PREX2: variants seen among roughly 807,000 people sequenced by gnomAD.
PREX2 encodes phosphatidylinositol-3,4,5-trisphosphate dependent Rac exchange factor 2.
PREX2 carries 107 observed loss-of-function variants against 203.2 expected under a neutral mutation model. That is an observed-to-expected ratio of 0.53 (90% CI 0.45 to 0.62). The LOEUF is 0.62. Among genes scored for constraint, PREX2 ranks in the 20% least tolerant of loss-of-function variants. The pLI, the probability that PREX2 is intolerant of heterozygous loss-of-function variation, is 0.00. For synonymous variants in PREX2, 672 were observed against 663.6 expected (o/e 1.01, Z -0.19); for missense variants, 1,777 against 1,955.9 (o/e 0.91, Z 1.72).
chr8:68,098,400 T>G (rs1489733692), intron 22 of PREX2, among the ~76,000 whole-genome samples: 1 of 152,162 alleles, frequency 6.6e-6, no homozygotes, highest in Non-Finnish European at 1.5e-5. Context: ...ATTTTATCTT[T>G]TGGTTTTATA....
intron 18 of PREX2, among the ~76,000 whole-genome samples, chr8:68,083,755 G>T (rs1196239261): frequency 6.6e-6 from 1 of 152,130 alleles, no homozygotes; most frequent in Non-Finnish European, 1.5e-5. Flanking sequence ...CAGATGATTA[G>T]ATACCAGATA....
intron 30 of PREX2, among the ~76,000 whole-genome samples, chr8:68,122,685 A>G (rs1428888066): frequency 1.3e-5 from 2 of 152,034 alleles, no homozygotes; most frequent in African/African-American, 4.8e-5. Context: ...GAACAATTTT[A>G]TCTTTCAGAT....
chr8:68,162,346 G>T (rs1435585836), intron 35 of PREX2, among the ~76,000 whole-genome samples: 1 of 151,938 alleles, frequency 6.6e-6, no homozygotes, highest in East Asian at 1.9e-4. Context: ...GTTTTACTAT[G>T]CCATATAGAA....
Position 68,081,861 on chromosome 8 carries a change from A to AT in PREX2, c.1878+1039dup, listed in dbSNP as rs546660073. 7.5e-3 allele frequency among the ~76,000 whole-genome samples: 1,041 copies of AT among 139,570 alleles called. 8 individuals carry two copies. Among genetic ancestry groups the AT allele is most frequent in the Middle Eastern group, 0.019 (5 of 260 alleles). 91.6% of individuals were successfully genotyped at this position (139,570 alleles called of 152,430 possible). A position where few individuals can be genotyped will look rare whatever the true frequency, so the allele number is the denominator to read the frequency against. On this transcript the variant is annotated intron_variant, in intron 17 of 39. Transcript: ENST00000288368. The stretch of plus-strand genomic sequence containing the variant: ...AGGCCCATGCCACCAGGCCCAGCTG[A>AT]TTTTTTTTTTTTTTTTAATAGAGAC...
At chr8:68,071,824 T>G (rs149027304) in intron 13 of PREX2, among the ~76,000 whole-genome samples, 1 of 152,238 alleles carries the variant, frequency 6.6e-6, no homozygotes, top group African/African-American at 2.4e-5. Context: ...TGTTTTCCAC[T>G]AGGGCAGAGC....
rs573525316 is a variant in PREX2, at chr8:68,152,289, GAAAAA to G, written c.4232-5016_4232-5012del. Among the ~76,000 whole-genome samples, 113 of 72,922 alleles carry G rather than the reference GAAAAA, an allele frequency of 1.5e-3. 1 individual carries two copies. Among genetic ancestry groups the G allele is most frequent in the African/African-American group, 6.0e-3 (107 of 17,862 alleles). The allele number at this position is 72,922 out of a possible 152,430, so 47.8% of individuals were successfully genotyped here. On this transcript the variant is annotated intron_variant, in intron 34 of 39. Transcript: ENST00000288368. ...CGACAGAGCGAGACTCCCTCTCAGA[GAAAAA>G]AAAAAAAAAAAAAAAAGATAAATCT...
intron 21 of PREX2, 32 bp from the exon 22 acceptor site, chr8:68,096,985 A>G: frequency 6.4e-7 from 1 of 1,567,962 alleles, no homozygotes. Context: ...ATCCTTCATG[A>G]ATTTACTGAG....
chr8:68,226,459 T>A (rs1236012969), intron 39 of PREX2, among the ~76,000 whole-genome samples: 2 of 152,136 alleles, frequency 1.3e-5, no homozygotes, highest in African/African-American at 4.8e-5. Context: ...AAGAACACAT[T>A]TGGCAGTCAA....
At chr8:68,138,867 G>A (rs1005124422) in intron 33 of PREX2, among the ~76,000 whole-genome samples, 2 of 152,016 alleles carry the variant, frequency 1.3e-5, no homozygotes, top group Non-Finnish European at 2.9e-5. Context: ...TCAAAAGTAT[G>A]AGTATCGTGT....
chr8:68,122,262 T>C (rs906589518), intron 30 of PREX2, among the ~76,000 whole-genome samples: 1 of 152,116 alleles, frequency 6.6e-6, no homozygotes, highest in Non-Finnish European at 1.5e-5. Context: ...TTTGTACAGA[T>C]ATGGAATACT....
chr8:68,039,945 G>A (rs1164009305), intron 7 of PREX2, among the ~76,000 whole-genome samples: 1 of 152,092 alleles, frequency 6.6e-6, no homozygotes, highest in Non-Finnish European at 1.5e-5. Flanking sequence ...AGAAACCAGA[G>A]CACCTTTTAT....
At chr8:68,079,788 AG>A (rs1437871841) in intron 15 of PREX2, among the ~76,000 whole-genome samples, 4 of 152,192 alleles carry the variant, frequency 2.6e-5, no homozygotes, top group Admixed American at 6.5e-5. Context: ...CAAGAATCTT[AG>A]GGGATTTGGG....
At chr8:68,051,920 C>A (rs1010583906) in intron 8 of PREX2, among the ~76,000 whole-genome samples, 1 of 152,068 alleles carries the variant, frequency 6.6e-6, no homozygotes, top group Non-Finnish European at 1.5e-5. Context: ...AAAGACTCCA[C>A]AACTGAACAG....
At chr8:68,051,515 G>A (rs1808526878) in intron 8 of PREX2, among the ~76,000 whole-genome samples, 1 of 152,022 alleles carries the variant, frequency 6.6e-6, no homozygotes, top group Admixed American at 6.6e-5. Context: ...AGTTTTAAAC[G>A]TGTAGAATTT....
Position 68,192,464 on chromosome 8 carries a change from T to A in PREX2, c.4543T>A (p.Ser1515Thr). 1 of 1,613,470 alleles carries A rather than the reference T, an allele frequency of 6.2e-7. No individual in the cohort carries two copies. The highest frequency in any genetic ancestry group is 8.5e-7 in the Non-Finnish European group (1 of 1,179,948). Reference sequence around the variant, plus strand: ...TGGGGTTGGACTGCTGTCAGTTTCCTCGGAGCTGTGCAACAGGCTGGGCGC... The same window carrying A: ...TGGGGTTGGACTGCTGTCAGTTTCCACGGAGCTGTGCAACAGGCTGGGCGC... ...ASGVGLLSVS[S>T]ELCNRLGACH... Residue 1515 changes from serine (S) to threonine (T), a missense_variant, in exon 37 of 40, where the codon TCG becomes ACG. Physicochemically the swap from Ser to Thr is moderately conservative, Grantham distance 58. Transcript: ENST00000288368.
At chr8:68,124,186 C>T (rs1258563019) in intron 30 of PREX2, among the ~76,000 whole-genome samples, 1 of 152,032 alleles carries the variant, frequency 6.6e-6, no homozygotes, top group Non-Finnish European at 1.5e-5. Context: ...GATATGTGCA[C>T]ACGTATGTTC....
Position 68,044,505 on chromosome 8 carries a change from G to C in PREX2, c.858G>C (p.Lys286Asn). 6.2e-7 allele frequency: 1 copy of C among 1,611,716 alleles called. No individual in the cohort carries two copies. Among genetic ancestry groups the C allele is most frequent in the Non-Finnish European group, 8.5e-7 (1 of 1,178,122 alleles). Residue 286 changes from lysine to asparagine, a missense_variant, in exon 8 of 40, where the codon AAG becomes AAC. Coordinates refer to ENST00000288368, the MANE Select transcript of PREX2 (RefSeq NM_024870.4). ...KRKHRRLKNS[K>N]ASTDGHRYLF... ...TCTTAAGACGGTTGAAGAACAGCAAGGCATCTACAGATGGACATCGGTACC... is the reference window on the plus strand; with the variant it reads ...TCTTAAGACGGTTGAAGAACAGCAACGCATCTACAGATGGACATCGGTACC...
At chr8:68,110,838 T>C (rs1050957060) in intron 25 of PREX2, 4 of 284,498 alleles carry the variant, frequency 1.4e-5, no homozygotes, top group African/African-American at 9.1e-5. Context: ...GCTAATTTTC[T>C]GAAGTTTTAT....
At chr8:68,213,090 A>G (rs1812772264) in intron 37 of PREX2, among the ~76,000 whole-genome samples, 1 of 152,176 alleles carries the variant, frequency 6.6e-6, no homozygotes, top group South Asian at 2.1e-4. Context: ...TCTGGATGCC[A>G]TTTCTACACA....
Sources: gnomAD v4.1 joint callset for allele counts (sites outside exome capture counted in the v4.1 genomes callset) on GRCh38, gnomAD v4.1.1 for gene constraint, MANE v1.5 for transcripts, NCBI Gene and HGNC (gene_info 2026-07-23, HGNC 2026-07-21) for gene names.